The following KIFC2 variants were observed in gnomAD, a reference collection of about 807,000 sequenced individuals.
KIFC2 encodes kinesin-like protein KIFC2.
In KIFC2, 94 loss-of-function variants were observed where a neutral mutation model predicts 91.5. That is an observed-to-expected ratio of 1.03 (90% CI 0.87 to 1.22). KIFC2 has a LOEUF of 1.22. Among genes scored for constraint, KIFC2 ranks in the 50% most tolerant of loss-of-function variants. The pLI, the probability that KIFC2 is intolerant of heterozygous loss-of-function variation, is 0.00. For synonymous variants in KIFC2, 729 were observed against 503.9 expected (o/e 1.45, Z -5.98); for missense variants, 1,357 against 1,103.3 (o/e 1.23, Z -3.26).
rs780492551 is a variant in KIFC2, at chr8:144,467,062, C to A, written c.282C>A (p.Val94=). 1 of 1,596,012 alleles carries A rather than the reference C, an allele frequency of 6.3e-7. No homozygotes were observed. Among genetic ancestry groups the A allele is most frequent in the Non-Finnish European group, 8.5e-7 (1 of 1,171,842 alleles). The change falls in exon 3 of 18, where the codon GTC becomes GTA. Residue 94 remains valine (V), a synonymous_variant. Coordinates refer to ENST00000645548, the MANE Select transcript of KIFC2 (RefSeq NM_001369769.2). ...ALLRLAEFLS[V]QLGAEESCGG... ...TGCGCCTCGCCGAGTTCCTCTCCGTCCAGCTGGGGGCGGAAGAGAGCTGCG... is the reference window on the plus strand; with the variant it reads ...TGCGCCTCGCCGAGTTCCTCTCCGTACAGCTGGGGGCGGAAGAGAGCTGCG...
At chr8:144,471,915 CA>C (rs1397580507) in intron 12 of KIFC2, 26 bp from the exon 13 acceptor site, 7 of 1,607,634 alleles carry the variant, frequency 4.4e-6, no homozygotes, top group Non-Finnish European at 6.0e-6. Context: ...GGGGAGGACT[CA>C]AAACACATTC....
Position 144,469,350 on chromosome 8 carries a change from G to A in KIFC2, c.1193G>A (p.Gly398Glu), listed in dbSNP as rs771791919. ...GAGGGGCAGCAAGGGCCCCCAGCCG[G>A]ATGCCCAGGGCGGCTGCCAGAACTC... ...LPEGQQGPPA[G>E]CPGRLPELKG... Residue 398 changes from glycine (G) to glutamate (E), a missense_variant, in exon 11 of 18, where the codon GGA (glycine) becomes GAA (glutamate). Physicochemically the swap from Gly to Glu is moderately conservative, Grantham distance 98. Transcript: ENST00000645548. 3.7e-6 allele frequency: 6 copies of A among 1,609,384 alleles called. No individual in the cohort carries two copies. Among genetic ancestry groups the A allele is most frequent in the Non-Finnish European group, 5.1e-6 (6 of 1,178,810 alleles).
In KIFC2 at chr8:144,473,059, C is replaced by A; in HGVS notation, c.2118+8C>A. On this transcript the variant is annotated splice_region_variant and intron_variant, in intron 17 of 17. Transcript: ENST00000645548. ...GCGGTGCTGCTGCTGCAGGTGGGCG[C>A]CGGGGCGGGGCAGGTGTGTGCGTGC... 7.0e-7 allele frequency: 1 copy of A among 1,428,428 alleles called. No individual in the cohort carries two copies. The highest frequency in any genetic ancestry group is 1.5e-5 in the South Asian group (1 of 66,598). The allele number at this position is 1,428,428 out of a possible 1,614,324, so 88.5% of individuals were successfully genotyped here. A position where few individuals can be genotyped will look rare whatever the true frequency, so the allele number is the denominator to read the frequency against.
chr8:144,472,733 C>A, intron 16 of KIFC2, 27 bp downstream of exon 16: 1 of 1,592,344 alleles, frequency 6.3e-7, no homozygotes, highest in South Asian at 1.1e-5. Flanking sequence ...CTGAGCCCTG[C>A]GGAGTCTCCA....
In KIFC2 at chr8:144,467,035, A is replaced by G. The variant is rs760392294; in HGVS notation, c.255A>G (p.Leu85=). The G allele has an allele frequency of 1.9e-6, 3 of 1,594,904 alleles. No individual in the cohort carries two copies. The highest frequency in any genetic ancestry group is 1.1e-5 in the South Asian group (1 of 89,280). ...RAAAVSLEEA[L]LRLAEFLSVQ... is the part of the protein sequence containing the mutation. ...CCGCGGTGTCCCTGGAAGAGGCCCT[A>G]CTGCGCCTCGCCGAGTTCCTCTCCG... Residue 85 remains leucine (L), a synonymous_variant, in exon 3 of 18, where the codon CTA becomes CTG. Transcript: ENST00000645548.
At position 144,469,478 on chromosome 8, in the gene KIFC2, T is replaced by A; in HGVS notation, c.1223-12T>A. 3 of 1,613,940 alleles carry A rather than the reference T, an allele frequency of 1.9e-6. No individual in the cohort carries two copies. The highest frequency in any genetic ancestry group is 2.5e-6 in the Non-Finnish European group (3 of 1,180,008). ...TCTGCGAGGCATTATGCTGACCTGA[T>A]CCCCACTGCAGGAAATATCCGTGTG... On this transcript the variant is annotated splice_polypyrimidine_tract_variant and intron_variant, in intron 11 of 17. Coordinates refer to ENST00000645548, the MANE Select transcript of KIFC2 (RefSeq NM_001369769.2).
upstream of KIFC2, chr8:144,466,239 G>A (rs1824630664): frequency 5.1e-6 from 1 of 194,940 alleles, no homozygotes. Context: ...GTCTCCAGGT[G>A]CGGCCGCGGG....
rs143057454 is a variant in KIFC2, at chr8:144,468,441, G to A, written c.888+35G>A. The A allele has an allele frequency of 2.2e-4, 348 of 1,605,412 alleles. 3 individuals carry two copies. In the South Asian group the frequency reaches 2.7e-3, roughly 12 times the overall value. ...GGGCCCAGGGATCCATGGCTCAGGG[G>A]TGAGGCGGGCTGGGGTTTTGGGAGG... is the stretch of plus-strand genomic sequence containing the variant. On this transcript the variant is annotated intron_variant, in intron 8 of 17. Coordinates refer to ENST00000645548, the MANE Select transcript of KIFC2 (RefSeq NM_001369769.2).
chr8:144,469,089 C>G (rs568766771), intron 10 of KIFC2, among the ~76,000 whole-genome samples, 182 bp from the exon 11 acceptor site: 1 of 152,230 alleles, frequency 6.6e-6, no homozygotes, highest in Non-Finnish European at 1.5e-5. Context: ...GCCTGTCATT[C>G]CTGGGCTTTA....
intron 12 of KIFC2, among the ~76,000 whole-genome samples, chr8:144,470,209 G>C (rs958040798): frequency 5.3e-5 from 8 of 152,344 alleles, no homozygotes; most frequent in Non-Finnish European, 7.4e-5. Flanking sequence ...CAGGCTGCCT[G>C]CCAGCCTCAC....
chr8:144,471,863 G>T, intron 12 of KIFC2, 79 bp from the exon 13 acceptor site: 1 of 1,312,060 alleles, frequency 7.6e-7, no homozygotes, highest in South Asian at 1.2e-5. Context: ...CTGCCTTCGT[G>T]GCACTCCCCA....
Position 144,472,279 on chromosome 8 carries a change from A to G in KIFC2, c.1607+20A>G. 1.2e-6 allele frequency: 2 copies of G among 1,613,320 alleles called. No individual in the cohort carries two copies. Among genetic ancestry groups the G allele is most frequent in the Non-Finnish European group, 1.7e-6 (2 of 1,179,966 alleles). ...TGTCAGGTGGGCTACTCCACCAGGG[A>G]GGCCTTCTCCCCACCCCTGGCCCAG... On this transcript the variant is annotated intron_variant, in intron 14 of 17. Transcript: ENST00000645548.
Position 144,468,780 on chromosome 8 carries a change from G to C in KIFC2, c.1059G>C (p.Leu353Phe). 1 of 1,614,066 alleles carries C rather than the reference G, an allele frequency of 6.2e-7. No homozygotes were observed. The highest frequency in any genetic ancestry group is 8.5e-7 in the Non-Finnish European group (1 of 1,180,026). ...AGGGCTGCGGGGACCTCCGAGGTTT[G>C]GTCAGCACCTTTACCCAGAGCTGTC... ...LRQGCGDLRGLVSTFTQSCQG... is the reference protein window; with the variant it reads ...LRQGCGDLRGFVSTFTQSCQG... Residue 353 changes from leucine (L) to phenylalanine (F), a missense_variant, in exon 10 of 18, where the codon TTG becomes TTC. Leu to Phe is a conservative substitution (Grantham distance 22). Transcript: ENST00000645548.
rs542311583 is a variant in KIFC2 at position 144,466,917 on chromosome 8, A to G, written c.179-42A>G. The G allele has an allele frequency of 5.1e-6, 8 of 1,571,546 alleles. No homozygotes were observed. The African/African-American group carries it at 1.1e-4, about 21-fold the overall frequency. The stretch of plus-strand genomic sequence containing the variant: ...GGAGGGGCGGAGGCCTGGCTCAAGC[A>G]CGTGACCCGAAATGTCTCCCGCCCT... On this transcript the variant is annotated intron_variant, in intron 2 of 17. Coordinates refer to ENST00000645548, the MANE Select transcript of KIFC2 (RefSeq NM_001369769.2).
At position 144,466,367 on chromosome 8, in the gene KIFC2, G is replaced by C; in HGVS notation, c.-53G>C. The C allele has an allele frequency of 1.3e-6, 1 of 762,490 alleles. No homozygotes were observed. Among genetic ancestry groups the C allele is most frequent in the Admixed American group, 5.0e-5 (1 of 19,914 alleles). 47.2% of individuals were successfully genotyped at this position (762,490 alleles called of 1,614,324 possible). ...TGCGGCGGGCGGGCGCCGAGTCTGGGCGCGGGGACGCGGGGCGGCGCGAAG... is the reference window on the plus strand; with the variant it reads ...TGCGGCGGGCGGGCGCCGAGTCTGGCCGCGGGGACGCGGGGCGGCGCGAAG... On this transcript the variant is annotated 5_prime_UTR_variant, in exon 1 of 18. Coordinates refer to ENST00000645548, the MANE Select transcript of KIFC2 (RefSeq NM_001369769.2).
Position 144,471,993 on chromosome 8 carries a change from G to A in KIFC2, c.1432G>A (p.Val478Ile), listed in dbSNP as rs753106546. The change falls in exon 13 of 18, where the codon GTC becomes ATC. Residue 478 changes from valine (V) to isoleucine (I), a missense_variant. By Grantham distance (29) the Val-to-Ile change is conservative (BLOSUM62 3). Coordinates refer to ENST00000645548, the MANE Select transcript of KIFC2 (RefSeq NM_001369769.2). Reference protein sequence around the residue: ...AVLSCLRGYSVCIFTYGQTGT... With the variant: ...AVLSCLRGYSICIFTYGQTGT... ...GCTGTCCTGCCTCCGAGGCTACAGC[G>A]TCTGCATCTTCACCTATGGCCAGAC... 3.7e-6 allele frequency: 6 copies of A among 1,613,560 alleles called. No individual in the cohort carries two copies. Among genetic ancestry groups the A allele is most frequent in the Non-Finnish European group, 5.1e-6 (6 of 1,180,028 alleles).
In KIFC2 at chr8:144,468,398, C is replaced by G. The variant is rs764615058; in HGVS notation, c.880C>G (p.Arg294Gly). The G allele has an allele frequency of 1.4e-5, 22 of 1,612,504 alleles. No homozygotes were observed. The highest frequency in any genetic ancestry group is 1.7e-5 in the Non-Finnish European group (20 of 1,179,806). ...QEAQDTTEAL[R>G]AQLGVQEVQL... Reference sequence around the variant, plus strand: ...GGCCCAAGACACCACAGAAGCCCTCCGAGCCCAGGTGGGCATGGGGCCCAG... The same window carrying G: ...GGCCCAAGACACCACAGAAGCCCTCGGAGCCCAGGTGGGCATGGGGCCCAG... The change falls in exon 8 of 18, where the codon CGA (arginine) becomes GGA (glycine). Residue 294 changes from arginine to glycine, a missense_variant. Arg to Gly is a moderately radical substitution (Grantham distance 125). Transcript: ENST00000645548.
rs1825045732 is a variant in KIFC2, at chr8:144,473,795, C to G, written c.*406C>G. 2 of 377,988 alleles carry G rather than the reference C, an allele frequency of 5.3e-6. No individual in the cohort carries two copies. The highest frequency in any genetic ancestry group is 4.1e-5 in the African/African-American group (2 of 48,232). The allele number at this position is 377,988 out of a possible 1,614,324, so 23.4% of individuals were successfully genotyped here. A position where few individuals can be genotyped will look rare whatever the true frequency, so the allele number is the denominator to read the frequency against. On this transcript the variant is annotated 3_prime_UTR_variant, in exon 18 of 18. Transcript: ENST00000645548. ...CCACCAGGACCATGTAGGGTGCAGT[C>G]TTTACTCCCTAACCCGTTTCCCGAA...
chr8:144,468,081 C>T lies in KIFC2; in HGVS notation c.810+94C>T, dbSNP rs368522455. The T allele has an allele frequency of 4.4e-5, 63 of 1,421,736 alleles. No homozygotes were observed. In the Middle Eastern group the frequency reaches 1.5e-3, roughly 33 times the overall value. 88.1% of individuals were successfully genotyped at this position (1,421,736 alleles called of 1,614,324 possible). On this transcript the variant is annotated intron_variant, in intron 7 of 17. Coordinates refer to ENST00000645548, the MANE Select transcript of KIFC2 (RefSeq NM_001369769.2). ...GGGCCCGAGCCTCCTCAGGACCTCC[C>T]GGGATGGTCTGTGTAGGGCAGCCCC...
Sources: gnomAD v4.1 joint callset for allele counts (sites outside exome capture counted in the v4.1 genomes callset) on GRCh38, gnomAD v4.1.1 for gene constraint, MANE v1.5 for transcripts, NCBI Gene and HGNC (gene_info 2026-07-23, HGNC 2026-07-21) for gene names.